The following CTSB variants were observed in gnomAD, a reference collection of about 807,000 sequenced individuals.
CTSB encodes the protein APP secretase.
In CTSB, 57 loss-of-function variants were observed where a neutral mutation model predicts 44.3. The observed-to-expected ratio is 1.29, with a 90% CI of 1.04 to 1.60. The LOEUF is 1.60. CTSB is among the 40% of genes most tolerant of loss of function. CTSB has a pLI of 0.00. For missense variants in CTSB, 768 were observed against 443.0 expected (o/e 1.73, Z -6.59); for synonymous variants, 320 against 168.0 (o/e 1.91, Z -7.00).
intron 1 of CTSB, among the ~76,000 whole-genome samples, chr8:11,859,316 T>C (rs192501252): frequency 1.3e-5 from 2 of 152,164 alleles, no homozygotes; most frequent in East Asian, 1.9e-4. Flanking sequence ...CTAGACTACC[T>C]TGAAGCCGTT....
intron 5 of CTSB, 54 bp downstream of exon 5, chr8:11,848,992 G>A: frequency 1.5e-6 from 2 of 1,354,670 alleles, no homozygotes; most frequent in Middle Eastern, 1.8e-4. Context: ...CTGAGAAGCT[G>A]GGGCCCAGGG....
In CTSB at chr8:11,853,317, C is replaced by T; in HGVS notation, c.126+12G>A. 4 of 1,613,058 alleles carry T rather than the reference C, an allele frequency of 2.5e-6. No homozygotes were observed. In the South Asian group the frequency reaches 3.3e-5, roughly 13 times the overall value. On this transcript the variant is annotated intron_variant, in intron 2 of 9. Transcript: ENST00000353047. ...GGAGGGGACATACATAGGACGCAGCCCCACAGCCTACCTGCCACGTGGTAT... is the reference window on the plus strand; with the variant it reads ...GGAGGGGACATACATAGGACGCAGCTCCACAGCCTACCTGCCACGTGGTAT...
chr8:11,849,882 T>G (rs888358322), intron 4 of CTSB: 6 of 147,662 alleles, frequency 4.1e-5, no homozygotes, highest in Admixed American at 1.3e-4. Flanking sequence ...TACCTGGCTG[T>G]GTTTTTTTCT....
intron 2 of CTSB, among the ~76,000 whole-genome samples, 199 bp downstream of exon 2, chr8:11,853,130 C>G (rs1339861776): frequency 6.6e-6 from 1 of 152,098 alleles, no homozygotes; most frequent in East Asian, 1.9e-4. Context: ...TGCACACACA[C>G]TCATGCACAC....
chr8:11,852,751 A>G, intron 2 of CTSB, 56 bp from the exon 3 acceptor site: 2 of 1,511,250 alleles, frequency 1.3e-6, no homozygotes, highest in Non-Finnish European at 1.8e-6. Flanking sequence ...GTGGATGGGC[A>G]CGCTGCCCAC....
At chr8:11,866,053 A>T (rs889359646) in intron 1 of CTSB, among the ~76,000 whole-genome samples, 3 of 151,840 alleles carry the variant, frequency 2.0e-5, no homozygotes, top group Non-Finnish European at 4.4e-5. Flanking sequence ...GAAATTAAGA[A>T]AGAAAAGAAA....
chr8:11,845,845 A>C (rs923885954), intron 8 of CTSB, 56 bp from the exon 9 acceptor site: 2 of 1,533,726 alleles, frequency 1.3e-6, no homozygotes, highest in African/African-American at 1.4e-5. Context: ...CACGCCCCAC[A>C]GCACCCCCCA....
intron 9 of CTSB, 56 bp downstream of exon 9, chr8:11,845,605 C>T (rs1563377288): frequency 6.3e-7 from 1 of 1,584,772 alleles, no homozygotes; most frequent in Non-Finnish European, 8.6e-7. Context: ...GCCGAGATGG[C>T]CACGGGGTGT....
intron 1 of CTSB, among the ~76,000 whole-genome samples, chr8:11,860,307 T>C (rs145021718): frequency 3.5e-4 from 53 of 152,030 alleles, no homozygotes; most frequent in African/African-American, 1.2e-3. Context: ...TACTGCTGGC[T>C]CCTCTCATAG....
chr8:11,850,125 C>T (rs1431571918), intron 4 of CTSB: 1 of 152,070 alleles, frequency 6.6e-6, no homozygotes, highest in African/African-American at 2.4e-5. Flanking sequence ...CAGAACTGTA[C>T]ACTTGAAAAT....
At chr8:11,862,099 C>CGGGA (rs1460447597) in intron 1 of CTSB, among the ~76,000 whole-genome samples, 1 of 150,940 alleles carries the variant, frequency 6.6e-6, no homozygotes, top group African/African-American at 2.4e-5. Flanking sequence ...CCCAGCTACT[C>CGGGA]GGGAGGCTGA....
intron 1 of CTSB, among the ~76,000 whole-genome samples, chr8:11,860,344 C>T (rs1816231598): frequency 6.6e-6 from 1 of 152,072 alleles, no homozygotes; most frequent in South Asian, 2.1e-4. Flanking sequence ...GAAAGTTGGC[C>T]GGGCACAGTG....
intron 4 of CTSB, chr8:11,850,580 G>C (rs1264945845): frequency 3.5e-6 from 1 of 286,918 alleles, no homozygotes. Flanking sequence ...AGCAGTGAGA[G>C]CTCCTGGTAT....
In CTSB at chr8:11,847,186, C is replaced by T. The variant is rs769346378; in HGVS notation, c.677-18G>A. 1.9e-6 allele frequency: 3 copies of T among 1,555,804 alleles called. No homozygotes were observed. The highest frequency in any genetic ancestry group is 3.3e-5 in the Admixed American group (2 of 59,798). ...ATTGTATCCTGGAAAATGAACCGAGCTCGGGGTTGGGGAGGGCAGTGACCG... is the reference window on the plus strand; with the variant it reads ...ATTGTATCCTGGAAAATGAACCGAGTTCGGGGTTGGGGAGGGCAGTGACCG... On this transcript the variant is annotated intron_variant, in intron 7 of 9. Coordinates refer to ENST00000353047, the MANE Select transcript of CTSB (RefSeq NM_001908.5).
intron 1 of CTSB, among the ~76,000 whole-genome samples, chr8:11,863,351 CAG>C (rs891745838): frequency 1.3e-5 from 2 of 151,808 alleles, no homozygotes; most frequent in Admixed American, 6.6e-5. Flanking sequence ...CCCAGCTACT[CAG>C]GGGGCTGAGG....
chr8:11,848,562 G>T (rs983754788), intron 5 of CTSB: 10 of 341,324 alleles, frequency 2.9e-5, no homozygotes, highest in African/African-American at 1.9e-4. Flanking sequence ...AGAAGCCCAT[G>T]CATTTTTTTA....
intron 1 of CTSB, among the ~76,000 whole-genome samples, chr8:11,866,887 A>C (rs1817230914): frequency 6.6e-6 from 1 of 152,068 alleles, no homozygotes; most frequent in Admixed American, 6.6e-5. Flanking sequence ...TACGTTCCTG[A>C]ACGTTTGGAT....
At chr8:11,846,526 G>C (rs1199668782) in intron 8 of CTSB, 1 of 153,544 alleles carries the variant, frequency 6.5e-6, no homozygotes, top group Non-Finnish European at 1.4e-5. Context: ...GATGGGGACT[G>C]TCCAGATTCC....
rs779494642 is a variant in CTSB, at chr8:11,853,418, C to T, written c.37G>A (p.Val13Met). 3 of 1,612,528 alleles carry T rather than the reference C, an allele frequency of 1.9e-6. No individual in the cohort carries two copies. The highest frequency in any genetic ancestry group is 1.7e-5 in the Admixed American group (1 of 59,782). Reference sequence around the variant, plus strand: ...GGCCTGCTCCGGGCATTGGCCAACACCAGCAGGCAGCAGAGGGAGGCCCAG... The same window carrying T: ...GGCCTGCTCCGGGCATTGGCCAACATCAGCAGGCAGCAGAGGGAGGCCCAG... The part of the protein sequence containing the change: ...QLWASLCCLL[V>M]LANARSRPSF... Residue 13 changes from valine (V) to methionine (M), a missense_variant, in exon 2 of 10, where the codon GTG becomes ATG. By Grantham distance (21) the Val-to-Met change is conservative (BLOSUM62 1). Coordinates refer to ENST00000353047, the MANE Select transcript of CTSB (RefSeq NM_001908.5).
Sources: gnomAD v4.1 joint callset for allele counts (sites outside exome capture counted in the v4.1 genomes callset) on GRCh38, gnomAD v4.1.1 for gene constraint, MANE v1.5 for transcripts, NCBI Gene and HGNC (gene_info 2026-07-23, HGNC 2026-07-21) for gene names.